The following SLC25A12 variants were observed in gnomAD, a reference collection of about 807,000 sequenced individuals.
SLC25A12 encodes solute carrier family 25 member 12, also known as electrogenic aspartate/glutamate antiporter SLC25A12, mitochondrial.
A neutral mutation model predicts 83.3 loss-of-function variants in SLC25A12; 32 were observed. The ratio of observed to expected loss-of-function variants is 0.38; its 90% CI spans 0.29 to 0.52. The LOEUF (loss-of-function observed/expected upper bound fraction) is 0.52. SLC25A12 is among the 20% of genes least tolerant of loss of function. SLC25A12 has a pLI of 0.84. For missense variants in SLC25A12, 611 were observed against 835.6 expected (o/e 0.73, Z 3.31); for synonymous variants, 267 against 291.1 (o/e 0.92, Z 0.84).
At chr2:171,804,120 T>A (rs1276336562) in intron 13 of SLC25A12, among the ~76,000 whole-genome samples, 3 of 152,184 alleles carry the variant, frequency 2.0e-5, no homozygotes, top group Non-Finnish European at 4.4e-5. Context: ...AACTGTAGTA[T>A]ATCCATATAT....
At chr2:171,889,749 T>C (rs1685893888) in intron 2 of SLC25A12, among the ~76,000 whole-genome samples, 1 of 152,216 alleles carries the variant, frequency 6.6e-6, no homozygotes, top group Non-Finnish European at 1.5e-5. Context: ...TTCAATATCC[T>C]ACCAGTAGTA....
chr2:171,847,224 T>C (rs1335631524), intron 4 of SLC25A12, among the ~76,000 whole-genome samples: 1 of 152,236 alleles, frequency 6.6e-6, no homozygotes, highest in Admixed American at 6.5e-5. Flanking sequence ...TGGAGATGTA[T>C]TCTACTTCTC....
chr2:171,850,961 T>C (rs950713302), intron 4 of SLC25A12, among the ~76,000 whole-genome samples: 2 of 152,234 alleles, frequency 1.3e-5, no homozygotes, highest in Non-Finnish European at 2.9e-5. Flanking sequence ...ATTTGCTATA[T>C]GTATTAATGG....
chr2:171,833,861 C>A, intron 8 of SLC25A12, 102 bp downstream of exon 8: 2 of 736,996 alleles, frequency 2.7e-6, no homozygotes, highest in Non-Finnish European at 4.9e-6. Context: ...TATTCAAATA[C>A]ATGGAAAAAA....
At position 171,831,629 on chromosome 2, in the gene SLC25A12, G is replaced by A. The variant is rs7603693; in HGVS notation, c.845+2334C>T. On this transcript the variant is annotated intron_variant, in intron 8 of 17. Coordinates refer to ENST00000422440, the MANE Select transcript of SLC25A12 (RefSeq NM_003705.5). ...GGTTCATAAAGTGGGAAAGAGGCTG[G>A]GCCCAGTGGCTCACGCCTGTAATCC... 3.2e-3 allele frequency among the ~76,000 whole-genome samples: 487 copies of A among 152,282 alleles called. 2 individuals carry two copies. Among genetic ancestry groups the A allele is most frequent in the African/African-American group, 0.011 (465 of 41,562 alleles).
At chr2:171,876,323 C>G (rs901204039) in intron 2 of SLC25A12, among the ~76,000 whole-genome samples, 2 of 152,154 alleles carry the variant, frequency 1.3e-5, no homozygotes, top group Non-Finnish European at 2.9e-5. Flanking sequence ...AGACAGTTAA[C>G]TAATTAACTC....
At chr2:171,855,061 A>C (rs1009009154) in intron 4 of SLC25A12, among the ~76,000 whole-genome samples, 2 of 152,230 alleles carry the variant, frequency 1.3e-5, no homozygotes, top group African/African-American at 4.8e-5. Flanking sequence ...CACAACAAAA[A>C]CAGTGGCAAT....
chr2:171,838,144 T>C (rs1358961668), intron 5 of SLC25A12, among the ~76,000 whole-genome samples: 1 of 152,242 alleles, frequency 6.6e-6, no homozygotes, highest in Non-Finnish European at 1.5e-5. Flanking sequence ...ACTCTGTAAA[T>C]AATAGTCATA....
At chr2:171,817,826 G>A (rs762619611) in intron 9 of SLC25A12, among the ~76,000 whole-genome samples, 2 of 151,850 alleles carry the variant, frequency 1.3e-5, no homozygotes, top group Non-Finnish European at 2.9e-5. Context: ...CATATAAAAG[G>A]TTTCTCCTGT....
rs750391903 is a variant in SLC25A12, at chr2:171,785,314, G to A, written c.1997C>T (p.Ala666Val). ...YLPKFKSPSVAVVQPKAAVAA... is the reference protein window; with the variant it reads ...YLPKFKSPSVVVVQPKAAVAA... ...CACTGCTGCCTTTGGCTGAACCACA[G>A]CAACACTAGGAGACTTAAATTTCGG... Residue 666 changes from alanine (A) to valine (V), a missense_variant, in exon 18 of 18, where the codon GCT (alanine) becomes GTT (valine). Physicochemically the swap from Ala to Val is moderately conservative, Grantham distance 64 (BLOSUM62 0). Around this residue, in one of 3 missense-constraint regions of SLC25A12, gnomAD observed 37 missense variants for 35.1 expected, o/e 1.05. Coordinates refer to ENST00000422440, the MANE Select transcript of SLC25A12 (RefSeq NM_003705.5). 1.2e-6 allele frequency: 2 copies of A among 1,614,162 alleles called. No individual in the cohort carries two copies. Among genetic ancestry groups the A allele is most frequent in the Non-Finnish European group, 1.7e-6 (2 of 1,180,030 alleles).
chr2:171,792,448 G>A (rs1007554703), intron 14 of SLC25A12, among the ~76,000 whole-genome samples: 5 of 151,218 alleles, frequency 3.3e-5, no homozygotes, highest in African/African-American at 9.7e-5. Flanking sequence ...CCACTGTGCC[G>A]GCTAATTTTT....
chr2:171,835,958 G>C (rs1573970802), intron 6 of SLC25A12, among the ~76,000 whole-genome samples: 1 of 152,234 alleles, frequency 6.6e-6, no homozygotes, highest in East Asian at 1.9e-4. Flanking sequence ...AAAAATTGAG[G>C]CTATTATAGT....
chr2:171,845,698 A>C (rs1014871486), intron 4 of SLC25A12: 3 of 354,458 alleles, frequency 8.5e-6, no homozygotes, highest in Non-Finnish European at 1.7e-5. Flanking sequence ...GGATAGGGGA[A>C]TGTAAGAATT....
At chr2:171,820,332 A>G (rs1407057242) in intron 9 of SLC25A12, among the ~76,000 whole-genome samples, 1 of 152,202 alleles carries the variant, frequency 6.6e-6, no homozygotes, top group Non-Finnish European at 1.5e-5. Context: ...ATAATTTCCC[A>G]TAGAAACAAA....
rs1685314367 is a variant in SLC25A12, at chr2:171,866,561, G to A, written c.209+2120C>T. On this transcript the variant is annotated intron_variant, in intron 3 of 17. Coordinates refer to ENST00000422440, the MANE Select transcript of SLC25A12 (RefSeq NM_003705.5). ...CGGGCAGAGGCGCCCCTCACCTCCC[G>A]AACCGGGCGGCTGGCCGGGCGGGGG... 2.9e-5 allele frequency among the ~76,000 whole-genome samples: 4 copies of A among 135,776 alleles called. No individual in the cohort carries two copies. In the South Asian group the frequency reaches 9.7e-4, roughly 33 times the overall value. 89.1% of individuals were successfully genotyped at this position (135,776 alleles called of 152,430 possible).
chr2:171,881,434 T>A (rs1032428986), intron 2 of SLC25A12, among the ~76,000 whole-genome samples: 1 of 152,076 alleles, frequency 6.6e-6, no homozygotes, highest in African/African-American at 2.4e-5. Context: ...TTACAGGCCA[T>A]CGCGCCCGGC....
intron 4 of SLC25A12, among the ~76,000 whole-genome samples, chr2:171,847,231 TCTC>T (rs1403574578): frequency 1.3e-5 from 2 of 152,216 alleles, no homozygotes; most frequent in Non-Finnish European, 2.9e-5. Context: ...GTATTCTACT[TCTC>T]TTCTGTTATC....
chr2:171,890,671 C>G (rs938315021), intron 2 of SLC25A12, among the ~76,000 whole-genome samples: 4 of 152,076 alleles, frequency 2.6e-5, no homozygotes, highest in Non-Finnish European at 5.9e-5. Context: ...TTTGCAGAGA[C>G]GAGGTCTCAC....
chr2:171,847,263 T>G (rs1236934784), intron 4 of SLC25A12, among the ~76,000 whole-genome samples: 1 of 152,240 alleles, frequency 6.6e-6, no homozygotes, highest in Non-Finnish European at 1.5e-5. Context: ...TACTACCAAG[T>G]GCCTGAGACT....
Sources: allele counts gnomAD v4.1 joint callset (sites outside exome capture counted in the v4.1 genomes callset), GRCh38; gene constraint gnomAD v4.1.1; regional missense constraint gnomAD v4.1.1; transcripts MANE v1.5; gene names NCBI Gene and HGNC (gene_info 2026-07-23, HGNC 2026-07-21).